The following IRAK4 variants were observed in gnomAD, a reference collection of about 807,000 sequenced individuals.
IRAK4 encodes the protein interleukin-1 receptor-associated kinase 4.
A neutral mutation model predicts 51.8 loss-of-function variants in IRAK4; 44 were observed. That is an observed-to-expected ratio of 0.85 (90% CI 0.67 to 1.09). The LOEUF (loss-of-function observed/expected upper bound fraction) is 1.09. Ranked by LOEUF, IRAK4 falls within the 50% of genes least tolerant of loss-of-function variation. IRAK4 has a pLI of 0.00. For missense variants in IRAK4, 487 were observed against 538.0 expected, an observed-to-expected ratio of 0.91 and a Z score of 0.94; for synonymous variants, 149 against 174.1, an observed-to-expected ratio of 0.86 and a Z score of 1.13.
chr12:43,778,299 A>C lies in IRAK4; in HGVS notation c.938A>C (p.Lys313Thr), dbSNP rs1555169543. ...AATCATCATATTCATAGAGATATTA[A>C]AAGGTAAATGCTACTGTTTAAAAGT... ...HENHHIHRDI[K>T]SANILLDEAF... The change falls in exon 8 of 12, where the codon AAA becomes ACA. Residue 313 changes from lysine to threonine, a missense_variant. Transcript: ENST00000613694. 1 of 1,524,324 alleles carries C rather than the reference A, an allele frequency of 6.6e-7. No homozygotes were observed. The highest frequency in any genetic ancestry group is 1.7e-5 in the Admixed American group (1 of 59,904). The allele number at this position is 1,524,324 out of a possible 1,614,324, so 94.4% of individuals were successfully genotyped here. A position where few individuals can be genotyped will look rare whatever the true frequency, so the allele number is the denominator to read the frequency against.
intron 1 of IRAK4, among the ~76,000 whole-genome samples, chr12:43,766,685 A>G (rs535017908): frequency 6.6e-6 from 1 of 152,308 alleles, no homozygotes; most frequent in East Asian, 1.9e-4. Context: ...GTCAGACATA[A>G]TTGTAAGTCC....
In IRAK4 at chr12:43,773,172, G is replaced by A. The variant is rs1398496907; in HGVS notation, c.651+100G>A. On this transcript the variant is annotated intron_variant, in intron 5 of 11. Coordinates refer to ENST00000613694, the MANE Select transcript of IRAK4 (RefSeq NM_016123.4). The stretch of plus-strand genomic sequence containing the variant: ...TTTAGGAAATACATTATTTCAGTAT[G>A]TATTTTCTTTAAATAAACATCATTC... The A allele has an allele frequency of 3.7e-5, 41 of 1,110,470 alleles. 1 individual carries two copies. The highest frequency in any genetic ancestry group is 2.3e-4 in the South Asian group (16 of 70,636). 68.8% of individuals were successfully genotyped at this position (1,110,470 alleles called of 1,614,324 possible). A position where few individuals can be genotyped will look rare whatever the true frequency, so the allele number is the denominator to read the frequency against.
rs1200543913 is a variant in IRAK4 at position 43,778,232 on chromosome 12, A to T, written c.871A>T (p.Ile291Phe). 11 of 1,611,882 alleles carry T rather than the reference A, an allele frequency of 6.8e-6. No homozygotes were observed. The highest frequency in any genetic ancestry group is 9.3e-6 in the Non-Finnish European group (11 of 1,178,028). The change falls in exon 8 of 12, where the codon ATT (isoleucine) becomes TTT (phenylalanine). Residue 291 changes from isoleucine to phenylalanine, a missense_variant. Transcript: ENST00000613694. ...ACTTTCTTGGCACATGAGATGCAAG[A>T]TTGCTCAGGGTGCAGCTAATGGCAT... is the stretch of plus-strand genomic sequence containing the variant. The part of the protein sequence containing the change: ...PPLSWHMRCK[I>F]AQGAANGINF...
chr12:43,774,575 G>A (rs1259947528), intron 6 of IRAK4, among the ~76,000 whole-genome samples: 1 of 152,164 alleles, frequency 6.6e-6, no homozygotes, highest in Non-Finnish European at 1.5e-5. Context: ...ACAAAGTTAC[G>A]TGAAATTTCA....
chr12:43,761,855 A>C (rs1939590738), intron 1 of IRAK4, among the ~76,000 whole-genome samples: 1 of 152,114 alleles, frequency 6.6e-6, no homozygotes, highest in South Asian at 2.1e-4. Context: ...CACCTTTTAC[A>C]CTTGTCTGAA....
chr12:43,773,547 CT>C (rs1347716439), intron 5 of IRAK4, among the ~76,000 whole-genome samples: 1 of 152,046 alleles, frequency 6.6e-6, no homozygotes, highest in Non-Finnish European at 1.5e-5. Flanking sequence ...TATTCTAAAT[CT>C]TTTGTTAGAG....
intron 1 of IRAK4, among the ~76,000 whole-genome samples, chr12:43,762,619 G>T (rs1262654852): frequency 6.6e-6 from 1 of 152,148 alleles, no homozygotes; most frequent in Non-Finnish European, 1.5e-5. Context: ...CCTAGCTCAG[G>T]AGAGCACCCA....
intron 1 of IRAK4, among the ~76,000 whole-genome samples, chr12:43,760,766 G>A (rs1469743105): frequency 1.3e-5 from 2 of 151,956 alleles, no homozygotes; most frequent in Non-Finnish European, 2.9e-5. Context: ...TCTCTATTTC[G>A]TTTTGTTCTT....
chr12:43,777,583 A>G, intron 6 of IRAK4, 47 bp from the exon 7 acceptor site: 1 of 1,529,924 alleles, frequency 6.5e-7, no homozygotes, highest in African/African-American at 1.4e-5. Flanking sequence ...CTATAGCTGA[A>G]TATATATTTA....
chr12:43,786,778 A>C lies in IRAK4; in HGVS notation c.*63A>C. ...CCTATCTCAACCATTTTTTTAACTG[A>C]TTTTTTTCCTAAATATTCTTCTTTA... On this transcript the variant is annotated 3_prime_UTR_variant, in exon 12 of 12. Transcript: ENST00000613694. The C allele has an allele frequency of 7.3e-7, 1 of 1,368,960 alleles. No individual in the cohort carries two copies. Among genetic ancestry groups the C allele is most frequent in the Non-Finnish European group, 1.0e-6 (1 of 963,182 alleles). The allele number at this position is 1,368,960 out of a possible 1,614,324, so 84.8% of individuals were successfully genotyped here. A position where few individuals can be genotyped will look rare whatever the true frequency, so the allele number is the denominator to read the frequency against.
chr12:43,768,096 A>G lies in IRAK4; in HGVS notation c.-9-7A>G. 1.2e-6 allele frequency: 2 copies of G among 1,609,726 alleles called. No individual in the cohort carries two copies. The highest frequency in any genetic ancestry group is 1.7e-6 in the Non-Finnish European group (2 of 1,176,596). On this transcript the variant is annotated splice_region_variant and splice_polypyrimidine_tract_variant and intron_variant, in intron 1 of 11. Coordinates refer to ENST00000613694, the MANE Select transcript of IRAK4 (RefSeq NM_016123.4). The stretch of plus-strand genomic sequence containing the variant: ...TAAAATTTTAATGAGATTTTTCCAT[A>G]TTTTAGGAATAGAAGATGAACAAAC...
At position 43,768,259 on chromosome 12, in the gene IRAK4, C is replaced by A; in HGVS notation, c.148C>A (p.Gln50Lys). Residue 50 changes from glutamine to lysine, a missense_variant, in exon 2 of 12, where the codon CAG (glutamine) becomes AAG (lysine). Gln to Lys is a moderately conservative substitution (Grantham distance 53). Transcript: ENST00000613694. ...KKPSGDDRYNQFHIRRFEALL... is the reference protein window; with the variant it reads ...KKPSGDDRYNKFHIRRFEALL... ...ACCATCTGGTGATGATAGATACAAT[C>A]AGTTTCACATAAGGTAACAGATAAA... 1 of 1,609,266 alleles carries A rather than the reference C, an allele frequency of 6.2e-7. No individual in the cohort carries two copies. Among genetic ancestry groups the A allele is most frequent in the Non-Finnish European group, 8.5e-7 (1 of 1,176,222 alleles).
intron 2 of IRAK4, among the ~76,000 whole-genome samples, chr12:43,770,458 G>A (rs1011996343): frequency 6.6e-6 from 1 of 152,222 alleles, no homozygotes; most frequent in Admixed American, 6.5e-5. Context: ...GCTATGGGCT[G>A]GTTACTCTAC....
chr12:43,787,392 T>C lies in IRAK4; in HGVS notation c.*677T>C. The C allele has an allele frequency of 6.6e-6, 1 of 152,354 alleles. No homozygotes were observed. Among genetic ancestry groups the C allele is most frequent in the Non-Finnish European group, 1.5e-5 (1 of 68,152 alleles). 9.4% of individuals were successfully genotyped at this position (152,354 alleles called of 1,614,324 possible). ...GGAATTTGGCAGATGCAGTTAAGGT[T>C]CCTAAACAACTCACTTTGAGACTGT... is the stretch of plus-strand genomic sequence containing the variant. On this transcript the variant is annotated 3_prime_UTR_variant, in exon 12 of 12. Transcript: ENST00000613694.
chr12:43,776,162 G>C (rs4251490), intron 6 of IRAK4, among the ~76,000 whole-genome samples: 1 of 151,992 alleles, frequency 6.6e-6, no homozygotes, highest in South Asian at 2.1e-4. Flanking sequence ...GAGTCACTGC[G>C]CCCGGCCTAT....
rs770553873 is a variant in IRAK4 at position 43,775,874 on chromosome 12, CTTT to C, written c.717-1733_717-1731del. On this transcript the variant is annotated intron_variant, in intron 6 of 11. Transcript: ENST00000613694. ...TCCTTACCTTCATTTAATATCATTACTTTTTTTTTTTTTTTTTTTTTTTTTGAG... is the reference window on the plus strand; with the variant it reads ...TCCTTACCTTCATTTAATATCATTACTTTTTTTTTTTTTTTTTTTTTTGAG... Among the ~76,000 whole-genome samples, 447 of 90,464 alleles carry C rather than the reference CTTT, an allele frequency of 4.9e-3. 4 individuals are homozygous for C. The highest frequency in any genetic ancestry group is 0.037 in the East Asian group (118 of 3,150). The allele number at this position is 90,464 out of a possible 152,430, so 59.3% of individuals were successfully genotyped here. A position where few individuals can be genotyped will look rare whatever the true frequency, so the allele number is the denominator to read the frequency against.
intron 10 of IRAK4, among the ~76,000 whole-genome samples, chr12:43,784,671 A>G: frequency 6.6e-6 from 1 of 152,238 alleles, no homozygotes; most frequent in East Asian, 1.9e-4. Context: ...AAATGCAGAA[A>G]AACATAAGCT....
At chr12:43,759,083 C>T (rs530898596) in intron 1 of IRAK4, 67 bp downstream of exon 1, 1 of 152,318 alleles carries the variant, frequency 6.6e-6, no homozygotes, top group Non-Finnish European at 1.5e-5. Flanking sequence ...GGCCTCGGCA[C>T]CTCTGCCCCA....
intron 1 of IRAK4, 150 bp from the exon 2 acceptor site, chr12:43,767,953 A>G (rs1287926557): frequency 3.2e-6 from 2 of 623,084 alleles, no homozygotes; most frequent in Non-Finnish European, 5.6e-6. Context: ...TCATCTTAGG[A>G]TATCAATGAC....
Sources: allele counts gnomAD v4.1 joint callset (sites outside exome capture counted in the v4.1 genomes callset), GRCh38; gene constraint gnomAD v4.1.1; transcripts MANE v1.5; gene names NCBI Gene and HGNC (gene_info 2026-07-23, HGNC 2026-07-21).